The following FAM171A1 variants were observed in gnomAD, a reference collection of about 807,000 sequenced individuals.
FAM171A1 encodes the protein family with sequence similarity 171 member A1.
A neutral mutation model predicts 74.9 loss-of-function variants in FAM171A1; 23 were observed. The ratio of observed to expected loss-of-function variants is 0.31; its 90% CI spans 0.22 to 0.44. The LOEUF is 0.44. FAM171A1 is among the 20% of genes least tolerant of loss of function. The pLI, the probability that FAM171A1 is intolerant of heterozygous loss-of-function variation, is 1.00. For missense variants in FAM171A1, 1,162 were observed against 1,159.2 expected (o/e 1.00, Z -0.03); for synonymous variants, 527 against 505.7 (o/e 1.04, Z -0.57).
chr10:15,363,365 G>C (rs923518448), intron 1 of FAM171A1, among the ~76,000 whole-genome samples: 6 of 152,182 alleles, frequency 3.9e-5, no homozygotes, highest in Non-Finnish European at 8.8e-5. Flanking sequence ...AGATGAAGAC[G>C]ATGCTGTCTT....
At chr10:15,243,201 A>C (rs1193149630) in intron 5 of FAM171A1, among the ~76,000 whole-genome samples, 1 of 152,124 alleles carries the variant, frequency 6.6e-6, no homozygotes, top group Non-Finnish European at 1.5e-5. Flanking sequence ...TCCAAAGTGC[A>C]TGGCTCCGGC....
intron 6 of FAM171A1, among the ~76,000 whole-genome samples, chr10:15,217,733 G>A (rs1206773618): frequency 6.6e-6 from 1 of 151,948 alleles, no homozygotes; most frequent in Non-Finnish European, 1.5e-5. Context: ...TGCCTCCTGG[G>A]TTTAAGTGAT....
At chr10:15,268,264 C>G (rs895317661) in intron 3 of FAM171A1, among the ~76,000 whole-genome samples, 1 of 152,096 alleles carries the variant, frequency 6.6e-6, no homozygotes, top group Non-Finnish European at 1.5e-5. Context: ...TGGTCACCCT[C>G]ACTTTGTAAA....
At chr10:15,274,579 A>C (rs1281068415) in intron 3 of FAM171A1, among the ~76,000 whole-genome samples, 1 of 152,210 alleles carries the variant, frequency 6.6e-6, no homozygotes, top group East Asian at 1.9e-4. Flanking sequence ...CATTGCCAAG[A>C]CAATCTTAAG....
intron 5 of FAM171A1, among the ~76,000 whole-genome samples, chr10:15,246,098 A>T (rs570710406): frequency 2.0e-5 from 3 of 152,132 alleles, no homozygotes; most frequent in Non-Finnish European, 2.9e-5. Context: ...TATCAGGCTC[A>T]CAGAGAACAC....
rs900256077 is a variant in FAM171A1, at chr10:15,212,262, A to G, written c.*653T>C. ...TAAAAGGCTTGGATGTTAAGAGAGG[A>G]CACTCAGCGGTTCCTGAAGGGAGAC... is the stretch of plus-strand genomic sequence containing the variant. On this transcript the variant is annotated 3_prime_UTR_variant, in exon 8 of 8. Transcript: ENST00000378116. The G allele has an allele frequency of 6.5e-6, 1 of 153,310 alleles. No individual in the cohort carries two copies. The highest frequency in any genetic ancestry group is 1.9e-4 in the East Asian group (1 of 5,186). 9.5% of individuals were successfully genotyped at this position (153,310 alleles called of 1,614,324 possible).
At chr10:15,283,165 G>T (rs554009137) in intron 2 of FAM171A1, among the ~76,000 whole-genome samples, 1 of 152,296 alleles carries the variant, frequency 6.6e-6, no homozygotes, top group South Asian at 2.1e-4. Flanking sequence ...TGAGGGAGGA[G>T]ACTTCTTTAA....
At chr10:15,313,105 G>C (rs1835383321) in intron 1 of FAM171A1, among the ~76,000 whole-genome samples, 1 of 152,182 alleles carries the variant, frequency 6.6e-6, no homozygotes. Flanking sequence ...CAGGAACAAA[G>C]CACTGGCCCA....
At chr10:15,264,526 G>A (rs867484661) in intron 3 of FAM171A1, among the ~76,000 whole-genome samples, 4 of 151,910 alleles carry the variant, frequency 2.6e-5, no homozygotes, top group East Asian at 1.9e-4. Flanking sequence ...CAAATACATC[G>A]GGCATCTCAG....
At chr10:15,337,634 C>T (rs1298668261) in intron 1 of FAM171A1, among the ~76,000 whole-genome samples, 4 of 152,116 alleles carry the variant, frequency 2.6e-5, no homozygotes, top group African/African-American at 4.8e-5. Flanking sequence ...CGGTGGCTCA[C>T]GCCTGCAATC....
At chr10:15,276,126 A>C (rs1834891259) in intron 2 of FAM171A1, among the ~76,000 whole-genome samples, 179 bp from the exon 3 acceptor site, 1 of 152,176 alleles carries the variant, frequency 6.6e-6, no homozygotes, top group African/African-American at 2.4e-5. Flanking sequence ...GCAGTATCTC[A>C]TATAACAATT....
chr10:15,313,137 T>C (rs901448745), intron 1 of FAM171A1, among the ~76,000 whole-genome samples: 7 of 152,142 alleles, frequency 4.6e-5, no homozygotes, highest in Admixed American at 4.6e-4. Flanking sequence ...CAGAGACACG[T>C]AGAGTCCCAG....
At chr10:15,275,996 A>C in intron 2 of FAM171A1, 49 bp from the exon 3 acceptor site, 1 of 1,360,038 alleles carries the variant, frequency 7.4e-7, no homozygotes, top group Non-Finnish European at 1.0e-6. Flanking sequence ...GTCATATTTA[A>C]GTGCCTACTC....
chr10:15,256,480 C>A (rs1834582063), intron 3 of FAM171A1, among the ~76,000 whole-genome samples: 1 of 152,092 alleles, frequency 6.6e-6, no homozygotes, highest in Non-Finnish European at 1.5e-5. Context: ...GAAATCCAGG[C>A]CCAGGTTTAG....
intron 3 of FAM171A1, among the ~76,000 whole-genome samples, chr10:15,272,538 A>T (rs1191591725): frequency 4.6e-5 from 7 of 152,162 alleles, no homozygotes; most frequent in African/African-American, 1.4e-4. Context: ...TGCACCAAGC[A>T]GACCTAATAG....
At chr10:15,343,335 GGACCAGATGAGTGA>G (rs1423452927) in intron 1 of FAM171A1, among the ~76,000 whole-genome samples, 1 of 152,186 alleles carries the variant, frequency 6.6e-6, no homozygotes, top group African/African-American at 2.4e-5. Context: ...CACCACTGCA[GGACCAGATGAGTGA>G]GTGGCAGTTC....
intron 1 of FAM171A1, among the ~76,000 whole-genome samples, chr10:15,364,368 G>T (rs1836033562): frequency 6.6e-6 from 1 of 152,128 alleles, no homozygotes; most frequent in African/African-American, 2.4e-5. Flanking sequence ...GTGATGGTGG[G>T]TGTCCTTGAG....
intron 1 of FAM171A1, among the ~76,000 whole-genome samples, chr10:15,350,312 C>T (rs1835862896): frequency 6.6e-6 from 1 of 152,016 alleles, no homozygotes; most frequent in Non-Finnish European, 1.5e-5. Flanking sequence ...ACCTCATCTC[C>T]TGCTCTATAT....
chr10:15,265,886 C>A (rs1262342874), intron 3 of FAM171A1, among the ~76,000 whole-genome samples: 1 of 152,054 alleles, frequency 6.6e-6, no homozygotes. Context: ...GTTGTTTAAT[C>A]TGCTGCATTT....
Sources: gnomAD v4.1 joint callset for allele counts (sites outside exome capture counted in the v4.1 genomes callset) on GRCh38, gnomAD v4.1.1 for gene constraint, MANE v1.5 for transcripts, NCBI Gene and HGNC (gene_info 2026-07-23, HGNC 2026-07-21) for gene names.